The following TBC1D1 variants were observed in gnomAD, a reference collection of about 807,000 sequenced individuals.
TBC1D1 encodes the protein TBC1 domain family member 1.
A neutral mutation model predicts 125.6 loss-of-function variants in TBC1D1; 89 were observed. That is an observed-to-expected ratio of 0.71 (90% CI 0.60 to 0.85). TBC1D1 has a LOEUF of 0.85. Ranked by LOEUF, TBC1D1 falls within the 40% of genes least tolerant of loss-of-function variation. The pLI is 0.00. For synonymous variants in TBC1D1, 565 were observed against 564.1 expected (o/e 1.00, Z -0.02); for missense variants, 1,377 against 1,469.2 (o/e 0.94, Z 1.03).
At chr4:37,996,009 G>C in intron 2 of TBC1D1, 2 of 525,140 alleles carry the variant, frequency 3.8e-6, no homozygotes, top group South Asian at 2.8e-5. Flanking sequence ...TTCTGGGATG[G>C]GGATGTCCAG....
In TBC1D1 at chr4:38,014,343, A is replaced by C. The variant is rs140519982; in HGVS notation, c.418-166A>C. ...AAGCTGTGTGTTCACCTCCCATGGG[A>C]AGACATTCCTAGTCCCCTCCCGTGG... On this transcript the variant is annotated intron_variant, in intron 2 of 19. Transcript: ENST00000261439. The surrounding 1 kb of genome is among the most constrained non-coding windows in gnomAD (Gnocchi z 5.1). Among the ~76,000 whole-genome samples the C allele has an allele frequency of 3.5e-3, 533 of 152,234 alleles. 3 individuals carry two copies. Among genetic ancestry groups the C allele is most frequent in the African/African-American group, 0.012 (503 of 41,552 alleles).
At chr4:37,978,331 G>A (rs1241836130) in intron 2 of TBC1D1, among the ~76,000 whole-genome samples, 1 of 152,186 alleles carries the variant, frequency 6.6e-6, no homozygotes, top group Non-Finnish European at 1.5e-5. Context: ...CTGGTCGTTA[G>A]GGCATCTTGC....
intron 2 of TBC1D1, among the ~76,000 whole-genome samples, chr4:37,962,189 C>A (rs1485122433): frequency 6.6e-6 from 1 of 152,182 alleles, no homozygotes; most frequent in Non-Finnish European, 1.5e-5. Flanking sequence ...GGGCCAGTAG[C>A]CACGCAGGTC....
chr4:37,959,241 C>A lies in TBC1D1; in HGVS notation c.418-55268C>A, dbSNP rs564180889. On this transcript the variant is annotated intron_variant, in intron 2 of 19. Transcript: ENST00000261439. ...ACTCCCAAAAAGCTTAACCGATAGT[C>A]TTCCGTTGACCTCACCAATAACACA... Among the ~76,000 whole-genome samples the A allele has an allele frequency of 1.8e-4, 27 of 149,778 alleles. No homozygotes were observed. In the South Asian group the frequency reaches 1.9e-3, roughly 10 times the overall value.
intron 2 of TBC1D1, among the ~76,000 whole-genome samples, chr4:37,922,618 A>T (rs569465285): frequency 6.6e-6 from 1 of 152,250 alleles, no homozygotes; most frequent in Admixed American, 6.5e-5. Context: ...ACCTCTGCTT[A>T]TTCTCAGTTC....
intron 6 of TBC1D1, among the ~76,000 whole-genome samples, chr4:38,024,541 G>A (rs1744691920): frequency 6.6e-6 from 1 of 152,110 alleles, no homozygotes; most frequent in East Asian, 1.9e-4. Flanking sequence ...TCCAACCAAG[G>A]CACAAAACTC....
At chr4:38,092,797 G>T (rs1758648913) in intron 13 of TBC1D1, among the ~76,000 whole-genome samples, 1 of 151,906 alleles carries the variant, frequency 6.6e-6, no homozygotes, top group African/African-American at 2.4e-5. Context: ...AGGGTCTCAG[G>T]GGGCCAGAAC....
chr4:38,034,331 G>A (rs1578361046), intron 7 of TBC1D1, among the ~76,000 whole-genome samples: 1 of 152,364 alleles, frequency 6.6e-6, no homozygotes, highest in South Asian at 2.1e-4. Flanking sequence ...TCCAGGTTGA[G>A]AGTGTCTGCT....
At chr4:37,918,191 T>C (rs1219514495) in intron 2 of TBC1D1, among the ~76,000 whole-genome samples, 4 of 152,226 alleles carry the variant, frequency 2.6e-5, no homozygotes, top group African/African-American at 9.6e-5. Flanking sequence ...CTAAAATCTG[T>C]TCTTGCCTTT....
intron 2 of TBC1D1, among the ~76,000 whole-genome samples, chr4:37,962,801 G>A (rs1013319503): frequency 6.6e-6 from 1 of 152,142 alleles, no homozygotes; most frequent in Non-Finnish European, 1.5e-5. Context: ...ATTCTAAACT[G>A]AAATAAGTCA....
At chr4:37,993,669 C>G (rs767867509) in intron 2 of TBC1D1, among the ~76,000 whole-genome samples, 1 of 152,182 alleles carries the variant, frequency 6.6e-6, no homozygotes, top group Non-Finnish European at 1.5e-5. Flanking sequence ...GCAACCTCCG[C>G]CTCCCGGGTT....
chr4:37,974,143 A>G (rs1732581231), intron 2 of TBC1D1, among the ~76,000 whole-genome samples: 5 of 152,236 alleles, frequency 3.3e-5, no homozygotes, highest in Admixed American at 3.3e-4. Context: ...ACCTTCATTA[A>G]GCAGGGAATA....
chr4:38,033,481 G>A lies in TBC1D1; in HGVS notation c.1303-2107G>A, dbSNP rs563805575. Among the ~76,000 whole-genome samples the A allele has an allele frequency of 3.3e-5, 5 of 152,126 alleles. No homozygotes were observed. The East Asian group carries it at 7.7e-4, about 23-fold the overall frequency. ...AGCTTTCACTGTCCCCCACCCCACA[G>A]TTTCTCCGATTTTTAACATATCTTG... On this transcript the variant is annotated intron_variant, in intron 7 of 19. Coordinates refer to ENST00000261439, the MANE Select transcript of TBC1D1 (RefSeq NM_015173.4).
chr4:38,024,473 G>C (rs1181394882), intron 6 of TBC1D1, among the ~76,000 whole-genome samples: 1 of 152,112 alleles, frequency 6.6e-6, no homozygotes, highest in Middle Eastern at 3.2e-3. Context: ...ATCAGGGTAG[G>C]GATTTTGCTG....
chr4:37,979,891 T>C (rs1425405662), intron 2 of TBC1D1, among the ~76,000 whole-genome samples: 1 of 152,186 alleles, frequency 6.6e-6, no homozygotes, highest in African/African-American at 2.4e-5. Flanking sequence ...GTGATTCTCC[T>C]GCCTCAGCCT....
In TBC1D1 at chr4:38,014,708, G is replaced by C; in HGVS notation, c.617G>C (p.Ser206Thr). 1 of 1,612,670 alleles carries C rather than the reference G, an allele frequency of 6.2e-7. No individual in the cohort carries two copies. The highest frequency in any genetic ancestry group is 8.5e-7 in the Non-Finnish European group (1 of 1,179,902). The change falls in exon 3 of 20, where the codon AGC (serine) becomes ACC (threonine). Residue 206 changes from serine (S) to threonine (T), a missense_variant. By Grantham distance (58) the Ser-to-Thr change is moderately conservative. Around this residue, in one of 3 missense-constraint regions of TBC1D1, gnomAD observed 822 missense variants for 824.6 expected, o/e 1.00. Transcript: ENST00000261439. This position sits in a 1 kb window ranked among gnomAD's most constrained non-coding sequence, Gnocchi z 5.1. ...GAGAAGTTCAATCACGTCAGCGGCA[G>C]CCGGGGGTCCGAGAGCCCCCGCCCC...
chr4:37,940,131 A>G (rs1466363521), intron 2 of TBC1D1, among the ~76,000 whole-genome samples: 1 of 152,006 alleles, frequency 6.6e-6, no homozygotes, highest in Admixed American at 6.6e-5. Flanking sequence ...CCATTTTCAC[A>G]ATATTGATTC....
intron 2 of TBC1D1, among the ~76,000 whole-genome samples, chr4:37,972,766 G>A (rs984455415): frequency 3.3e-5 from 5 of 151,550 alleles, no homozygotes; most frequent in African/African-American, 1.2e-4. Context: ...GCCGTGCGTG[G>A]TGGTGCATGC....
chr4:38,090,855 C>T (rs1396138018), intron 13 of TBC1D1, among the ~76,000 whole-genome samples: 1 of 152,204 alleles, frequency 6.6e-6, no homozygotes, highest in African/African-American at 2.4e-5. Context: ...GGTTCAGTCA[C>T]CCTGCCATTG....
Sources: gnomAD v4.1 joint callset for allele counts (sites outside exome capture counted in the v4.1 genomes callset) on GRCh38, gnomAD v4.1.1 for gene constraint, gnomAD v4.1.1 regional missense constraint, Gnocchi (gnomAD v3.1) non-coding constraint, MANE v1.5 for transcripts, NCBI Gene and HGNC (gene_info 2026-07-23, HGNC 2026-07-21) for gene names.